Variants in PTPN20 observed in about 807,000 individuals in gnomAD.
PTPN20 encodes tyrosine-protein phosphatase non-receptor type 20.
In PTPN20, 9 loss-of-function variants were observed where a neutral mutation model predicts 35.0. That is an observed-to-expected ratio of 0.26 (90% CI 0.15 to 0.45). The LOEUF (loss-of-function observed/expected upper bound fraction) is 0.45. Among genes scored for constraint, PTPN20 ranks in the 20% least tolerant of loss-of-function variants. The pLI, the probability that PTPN20 is intolerant of heterozygous loss-of-function variation, is 1.00. For missense variants in PTPN20, 111 were observed against 312.5 expected, an observed-to-expected ratio of 0.36 and a Z score of 4.86; for synonymous variants, 32 against 100.2, an observed-to-expected ratio of 0.32 and a Z score of 4.06.
chr10:46,953,745 T>C (rs1555149503), intron 5 of PTPN20, among the ~76,000 whole-genome samples: 2 of 147,238 alleles, frequency 1.4e-5, no homozygotes, highest in Non-Finnish European at 2.9e-5. Flanking sequence ...CTGCTTTGCA[T>C]TCCTGGGATA....
At chr10:46,925,244 G>A (rs1485752636) in intron 1 of PTPN20, among the ~76,000 whole-genome samples, 1 of 149,256 alleles carries the variant, frequency 6.7e-6, no homozygotes, top group Non-Finnish European at 1.5e-5. Flanking sequence ...TCTTCTGTTT[G>A]TTCTTGAATT....
At chr10:47,003,320 T>C (rs2060135201), downstream of PTPN20, among the ~76,000 whole-genome samples, 1 of 152,042 alleles carries the variant, frequency 6.6e-6, no homozygotes, top group South Asian at 2.1e-4. Flanking sequence ...AACAAAACAA[T>C]ACCTCCTGTT....
At chr10:46,948,013 C>G (rs2045513529) in intron 5 of PTPN20, 1 of 445,480 alleles carries the variant, frequency 2.2e-6, no homozygotes, top group South Asian at 1.6e-5. Context: ...AAACTGTATT[C>G]CAAAGAAGCT....
chr10:46,922,935 A>G (rs1331922289), intron 1 of PTPN20, among the ~76,000 whole-genome samples: 2 of 124,842 alleles, frequency 1.6e-5, no homozygotes, highest in East Asian at 4.5e-4. Flanking sequence ...GACCATACCC[A>G]GGATCTCACA....
chr10:46,923,295 C>T (rs560745056), intron 1 of PTPN20, among the ~76,000 whole-genome samples: 10 of 145,130 alleles, frequency 6.9e-5, no homozygotes, highest in Non-Finnish European at 1.2e-4. Context: ...GTTTTCCCTT[C>T]TTTTAAGCCA....
At chr10:46,994,232 T>C (rs2058580490) in intron 9 of PTPN20, among the ~76,000 whole-genome samples, 1 of 146,218 alleles carries the variant, frequency 6.8e-6, no homozygotes, top group African/African-American at 2.7e-5. Context: ...TTTAGGATCC[T>C]CTCTTTATCC....
chr10:46,993,016 C>T lies in PTPN20; in HGVS notation c.1134+5461C>T, dbSNP rs2058289895. Among the ~76,000 whole-genome samples, 6 of 152,282 alleles carry T rather than the reference C, an allele frequency of 3.9e-5. No homozygotes were observed. The South Asian group carries it at 1.2e-3, about 32-fold the overall frequency. On this transcript the variant is annotated intron_variant, in intron 9 of 10. Transcript: ENST00000374339. Reference sequence around the variant, plus strand: ...ACTCTGTATGGGATATTTATTAATACTTGTGGCTAGATTCTGGCACTGGAT... The same window carrying T: ...ACTCTGTATGGGATATTTATTAATATTTGTGGCTAGATTCTGGCACTGGAT...
intron 5 of PTPN20, among the ~76,000 whole-genome samples, chr10:46,948,897 TG>T (rs1323052865): frequency 0.019 from 2,884 of 148,316 alleles, 69 homozygotes; most frequent in African/African-American, 0.069. Context: ...CTGACACCTT[TG>T]GCAAGTCTAC....
chr10:46,949,144 C>CGCAT (rs1473006537), intron 5 of PTPN20, among the ~76,000 whole-genome samples: 1 of 152,036 alleles, frequency 6.6e-6, no homozygotes, highest in Non-Finnish European at 1.5e-5. Context: ...TGGGGCTTTA[C>CGCAT]GCATTTTCGA....
At chr10:46,976,716 A>C (rs1589762001) in intron 7 of PTPN20, among the ~76,000 whole-genome samples, 1 of 144,652 alleles carries the variant, frequency 6.9e-6, no homozygotes, top group Non-Finnish European at 1.5e-5. Flanking sequence ...TCTACTCTTC[A>C]GTCTACTCTT....
At chr10:46,925,711 T>C (rs2037088227) in intron 1 of PTPN20, among the ~76,000 whole-genome samples, 1 of 151,342 alleles carries the variant, frequency 6.6e-6, no homozygotes. Flanking sequence ...AAAAGGAGCC[T>C]GACTATAGCT....
downstream of PTPN20, among the ~76,000 whole-genome samples, chr10:47,003,353 C>G (rs1431888039): frequency 6.6e-6 from 1 of 151,960 alleles, no homozygotes; most frequent in Non-Finnish European, 1.5e-5. Context: ...GAGTATTGCT[C>G]CAGAGTTATC....
At chr10:46,993,429 A>G (rs1325391230) in intron 9 of PTPN20, among the ~76,000 whole-genome samples, 2 of 152,236 alleles carry the variant, frequency 1.3e-5, no homozygotes, top group Non-Finnish European at 2.9e-5. Context: ...GTAGACCTAC[A>G]GATGGTTTGT....
chr10:47,002,001 C>T lies in PTPN20; in HGVS notation c.*1260C>T, dbSNP rs1039021076. 6.6e-6 allele frequency: 1 copy of T among 152,026 alleles called. No individual in the cohort carries two copies. The highest frequency in any genetic ancestry group is 1.5e-5 in the Non-Finnish European group (1 of 67,944). 9.4% of individuals were successfully genotyped at this position (152,026 alleles called of 1,614,324 possible). A position where few individuals can be genotyped will look rare whatever the true frequency, so the allele number is the denominator to read the frequency against. The stretch of plus-strand genomic sequence containing the variant: ...TATTGAGAAAATGTTTAATATCAAT[C>T]TATAAATCTTGAATTTCTAAGAGGC... On this transcript the variant is annotated 3_prime_UTR_variant, in exon 11 of 11. Transcript: ENST00000374339.
At chr10:46,923,415 TA>T (rs1422506512) in intron 1 of PTPN20, among the ~76,000 whole-genome samples, 2 of 146,366 alleles carry the variant, frequency 1.4e-5, no homozygotes, top group East Asian at 2.0e-4. Flanking sequence ...CATTTTGAGT[TA>T]TTTTTTTGTG....
chr10:46,925,170 C>G (rs2036789004), intron 1 of PTPN20, among the ~76,000 whole-genome samples: 1 of 150,834 alleles, frequency 6.6e-6, no homozygotes, highest in Admixed American at 6.6e-5. Flanking sequence ...TAATCACTTT[C>G]TTAGAACTAC....
chr10:46,997,231 A>G (rs1379803340), intron 9 of PTPN20, among the ~76,000 whole-genome samples: 2 of 152,088 alleles, frequency 1.3e-5, no homozygotes, highest in African/African-American at 4.8e-5. Context: ...AGCAATTGTA[A>G]ATGGTATTGT....
chr10:46,977,263 G>T (rs1415917324), intron 7 of PTPN20, among the ~76,000 whole-genome samples: 1 of 152,290 alleles, frequency 6.6e-6, no homozygotes, highest in Non-Finnish European at 1.5e-5. Context: ...CTGCTGGCCT[G>T]CCCTGCAGAT....
intron 9 of PTPN20, among the ~76,000 whole-genome samples, chr10:46,997,429 T>C (rs2059321951): frequency 6.6e-6 from 1 of 151,758 alleles, no homozygotes; most frequent in Non-Finnish European, 1.5e-5. Flanking sequence ...GCATATAGAT[T>C]TGTCTCTTCC....
Sources: allele counts gnomAD v4.1 joint callset (sites outside exome capture counted in the v4.1 genomes callset), GRCh38; gene constraint gnomAD v4.1.1; transcripts MANE v1.5; gene names NCBI Gene and HGNC (gene_info 2026-07-23, HGNC 2026-07-21).